The following PAGE2B variants were observed in gnomAD, a reference collection of about 807,000 sequenced individuals.
PAGE2B encodes the protein PAGE family member 2B.
A neutral mutation model predicts 7.6 loss-of-function variants in PAGE2B; 5 were observed. The observed-to-expected ratio is 0.66, with a 90% CI of 0.34 to 1.38. The LOEUF is 1.38. Among genes scored for constraint, PAGE2B ranks in the 40% most tolerant of loss-of-function variants. The pLI is 0.04. For synonymous variants in PAGE2B, 29 were observed against 26.7 expected, an observed-to-expected ratio of 1.09 and a Z score of -0.27; for missense variants, 70 against 78.4, an observed-to-expected ratio of 0.89 and a Z score of 0.41.
the PAGE2B span, among the ~76,000 whole-genome samples, chrX:55,034,273 T>TA: frequency 8.9e-6 from 1 of 112,256 alleles, no homozygotes; most frequent in South Asian, 3.7e-4. Flanking sequence ...GTTTCCATTT[T>TA]AATTTAAATA....
the PAGE2B span, among the ~76,000 whole-genome samples, chrX:55,060,069 G>GGCTA: frequency 9.0e-6 from 1 of 111,166 alleles, no homozygotes; most frequent in South Asian, 3.8e-4. Context: ...TCCATATCTT[G>GGCTA]GCTATTGTGA....
chrX:55,056,379 C>A, the PAGE2B span, among the ~76,000 whole-genome samples: 1 of 110,915 alleles, frequency 9.0e-6, no homozygotes, highest in South Asian at 3.9e-4. Flanking sequence ...GAAAAGAGGA[C>A]CCAAGTATTT....
At chrX:55,063,509 C>T in the PAGE2B span, among the ~76,000 whole-genome samples, 11 of 111,023 alleles carry the variant, frequency 9.9e-5, no homozygotes, top group Admixed American at 5.8e-4. Context: ...TCTCTGCAAA[C>T]AAGGATGATT....
chrX:55,037,238 A>G, the PAGE2B span, among the ~76,000 whole-genome samples: 3 of 112,114 alleles, frequency 2.7e-5, no homozygotes, highest in African/African-American at 9.7e-5. Flanking sequence ...AAAAGTGGGC[A>G]AAGGATATGA....
chrX:55,059,282 G>A, the PAGE2B span, among the ~76,000 whole-genome samples: 1 of 110,512 alleles, frequency 9.0e-6, no homozygotes, highest in African/African-American at 3.3e-5. Context: ...TCTTTCTTCT[G>A]TACCTATGCA....
upstream of PAGE2B, among the ~76,000 whole-genome samples, chrX:55,073,601 C>T (rs752227238): frequency 3.6e-5 from 4 of 112,127 alleles, no homozygotes; most frequent in South Asian, 7.5e-4. Context: ...AGCAACATCA[C>T]TGAATCTATA....
At chrX:55,033,751 T>A in the PAGE2B span, among the ~76,000 whole-genome samples, 1 of 112,014 alleles carries the variant, frequency 8.9e-6, no homozygotes, top group Non-Finnish European at 1.9e-5. Context: ...GACTTAGGAG[T>A]TTCAACTTTT....
intron 3 of PAGE2B, among the ~76,000 whole-genome samples, chrX:55,076,921 C>T (rs1301390187): frequency 9.0e-6 from 1 of 111,558 alleles, no homozygotes; most frequent in Non-Finnish European, 1.9e-5. Context: ...TTTTCCAGAG[C>T]TCCTGTATGC....
At chrX:55,034,304 T>C in the PAGE2B span, among the ~76,000 whole-genome samples, 1,035 of 112,131 alleles carry the variant, frequency 9.2e-3, 12 homozygotes, top group African/African-American at 0.032. Context: ...TCTTGTAAGT[T>C]TTGGTAATAC....
the PAGE2B span, among the ~76,000 whole-genome samples, chrX:55,050,132 T>G: frequency 2.7e-5 from 3 of 112,846 alleles, no homozygotes; most frequent in Admixed American, 9.4e-5. Flanking sequence ...GTGAGTTTCT[T>G]AATCCTGAGT....
chrX:55,046,743 A>G, the PAGE2B span, among the ~76,000 whole-genome samples: 1 of 111,931 alleles, frequency 8.9e-6, no homozygotes, highest in East Asian at 2.8e-4. Context: ...GCAGAGTGAC[A>G]TGGCCATATT....
the PAGE2B span, among the ~76,000 whole-genome samples, chrX:55,067,490 T>G: frequency 8.9e-6 from 1 of 111,891 alleles, no homozygotes. Flanking sequence ...TCTTTGCTAT[T>G]GTGAACAGTG....
chrX:55,038,763 G>A, the PAGE2B span, among the ~76,000 whole-genome samples: 2 of 111,614 alleles, frequency 1.8e-5, no homozygotes, highest in Non-Finnish European at 3.8e-5. Flanking sequence ...CTTATATTTA[G>A]TATTTTAAAA....
the PAGE2B span, among the ~76,000 whole-genome samples, chrX:55,060,941 G>A: frequency 9.1e-6 from 1 of 110,445 alleles, no homozygotes; most frequent in Non-Finnish European, 1.9e-5. Flanking sequence ...GGAGTAGGGA[G>A]GCAATGAACA....
the PAGE2B span, among the ~76,000 whole-genome samples, chrX:55,053,704 A>G: frequency 9.0e-6 from 1 of 111,382 alleles, no homozygotes; most frequent in Non-Finnish European, 1.9e-5. Context: ...TTAAATTATT[A>G]CCCTGTCCCC....
At chrX:55,062,445 G>A in the PAGE2B span, among the ~76,000 whole-genome samples, 4 of 111,498 alleles carry the variant, frequency 3.6e-5, no homozygotes, top group East Asian at 2.8e-4. Context: ...TAAATGAGAC[G>A]ATTAGATTTA....
At chrX:55,069,010 C>T in the PAGE2B span, among the ~76,000 whole-genome samples, 2 of 111,902 alleles carry the variant, frequency 1.8e-5, no homozygotes, top group Admixed American at 9.5e-5. Context: ...TTCCTCTTTT[C>T]CTACCTGCAT....
At chrX:55,044,270 C>T in the PAGE2B span, among the ~76,000 whole-genome samples, 1 of 111,392 alleles carries the variant, frequency 9.0e-6, no homozygotes, top group Non-Finnish European at 1.9e-5. Flanking sequence ...GTGGTGTATA[C>T]ACACCATGGA....
At chrX:55,040,968 A>T in the PAGE2B span, among the ~76,000 whole-genome samples, 8 of 110,590 alleles carry the variant, frequency 7.2e-5, no homozygotes, top group Non-Finnish European at 1.5e-4. Context: ...TAGTTTCTAC[A>T]TTGTGAAATG....
Sources: allele counts gnomAD v4.1 joint callset (sites outside exome capture counted in the v4.1 genomes callset), GRCh38; gene constraint gnomAD v4.1.1; transcripts MANE v1.5; gene names NCBI Gene and HGNC (gene_info 2026-07-23, HGNC 2026-07-21).